LARP4: variants seen among roughly 807,000 people sequenced by gnomAD.
LARP4 encodes La ribonucleoprotein 4.
A neutral mutation model predicts 92.9 loss-of-function variants in LARP4; 29 were observed. The ratio of observed to expected loss-of-function variants is 0.31; its 90% confidence interval spans 0.23 to 0.43. The LOEUF (loss-of-function observed/expected upper bound fraction) is 0.43, where lower values mean the gene tolerates loss of function less well. Ranked by LOEUF, LARP4 falls within the 20% of genes least tolerant of loss-of-function variation. The pLI, the probability that LARP4 is intolerant of heterozygous loss-of-function variation, is 1.00. For synonymous variants in LARP4, 279 were observed against 284.1 expected (o/e 0.98, Z 0.18); for missense variants, 732 against 860.0 (o/e 0.85, Z 1.86).
chr12:50,447,438 C>T (rs769311033), intron 8 of LARP4, among the ~76,000 whole-genome samples: 2 of 152,058 alleles, frequency 1.3e-5, no homozygotes, highest in Non-Finnish European at 2.9e-5. Flanking sequence ...AAATGGTCTG[C>T]TTTATAAATT....
chr12:50,463,434 A>C lies in LARP4; in HGVS notation c.1383+804A>C, dbSNP rs1463232006. Among the ~76,000 whole-genome samples, 165 of 150,134 alleles carry C rather than the reference A, an allele frequency of 1.1e-3. 3 individuals are homozygous for C. Among genetic ancestry groups the C allele is most frequent in the African/African-American group, 3.7e-3 (151 of 40,874 alleles). On this transcript the variant is annotated intron_variant, in intron 12 of 15. Transcript: ENST00000398473. ...CCCCATCTCTCCAAAAAAAAAAAAA[A>C]AAAAAAAAAAAAAATTAGCCAGGCA...
intron 1 of LARP4, among the ~76,000 whole-genome samples, chr12:50,404,503 C>T (rs1565919234): frequency 6.6e-6 from 1 of 151,938 alleles, no homozygotes; most frequent in Non-Finnish European, 1.5e-5. Flanking sequence ...TGGAATGAGC[C>T]GTGATTGTGC....
At chr12:50,414,327 G>T (rs1004254233) in intron 1 of LARP4, among the ~76,000 whole-genome samples, 3 of 152,094 alleles carry the variant, frequency 2.0e-5, no homozygotes, top group South Asian at 2.1e-4. Flanking sequence ...CTGTTGAGAC[G>T]GGGTCTTGCT....
intron 1 of LARP4, among the ~76,000 whole-genome samples, chr12:50,409,771 A>G (rs1945500590): frequency 6.6e-6 from 1 of 151,410 alleles, no homozygotes; most frequent in Non-Finnish European, 1.5e-5. Context: ...TCTCAAAAAA[A>G]AAAAAGAAAA....
chr12:50,427,861 GA>G lies in LARP4; in HGVS notation c.121del (p.Ser41AlafsTer6). The G allele has an allele frequency of 6.2e-7, 1 of 1,602,680 alleles. No homozygotes were observed. The highest frequency in any genetic ancestry group is 1.1e-5 in the South Asian group (1 of 89,448). ...TDATPVTHGTESSWHEIAATS... is the reference protein window; with the variant it reads ...TDATPVTHGTXSSWHEIAATS... ...TGCCACCCCAGTAACTCATGGAACT[GA>G]AAGCTCTTGGCATGAAATAGCAGCT... is the stretch of plus-strand genomic sequence containing the variant. On this transcript the variant is annotated frameshift_variant, in exon 2 of 16. Coordinates refer to ENST00000398473, the MANE Select transcript of LARP4 (RefSeq NM_052879.5). LOFTEE classifies it high-confidence loss of function.
In LARP4 at chr12:50,446,329, GTCTCTCTCTCTCCCTC is replaced by G. The variant is rs1565647531; in HGVS notation, c.804+4699_804+4714del. Among the ~76,000 whole-genome samples the G allele has an allele frequency of 2.3e-4, 13 of 55,454 alleles. 6 individuals are homozygous for G. Among genetic ancestry groups the G allele is most frequent in the Non-Finnish European group, 3.5e-4 (11 of 31,228 alleles). 36.4% of individuals were successfully genotyped at this position (55,454 alleles called of 152,430 possible). A position where few individuals can be genotyped will look rare whatever the true frequency, so the allele number is the denominator to read the frequency against. ...CCAATTGCTGTTTTCTTGACTAGTG[GTCTCTCTCTCTCCCTC>G]TCTCTCTCTCTCTCTCTCTCTCTCT... is the stretch of plus-strand genomic sequence containing the variant. On this transcript the variant is annotated intron_variant, in intron 8 of 15. Transcript: ENST00000398473.
intron 10 of LARP4, among the ~76,000 whole-genome samples, chr12:50,457,207 T>TTC (rs1330575321): frequency 2.7e-5 from 4 of 148,544 alleles, no homozygotes; most frequent in Non-Finnish European, 6.0e-5. Context: ...CGGCCTTTTT[T>TTC]TTTTTTTTTT....
chr12:50,435,731 T>C, intron 5 of LARP4, 107 bp downstream of exon 5: 1 of 794,684 alleles, frequency 1.3e-6, no homozygotes, highest in Non-Finnish European at 2.0e-6. Flanking sequence ...CCCCACACCC[T>C]TATTTTGTTG....
chr12:50,452,371 G>A (rs1236355649), intron 8 of LARP4, among the ~76,000 whole-genome samples: 3 of 151,952 alleles, frequency 2.0e-5, no homozygotes, highest in African/African-American at 7.3e-5. Flanking sequence ...TGGTAGAGAC[G>A]GGGTTTCACC....
chr12:50,473,305 A>T, intron 13 of LARP4, 110 bp from the exon 14 acceptor site: 1 of 750,792 alleles, frequency 1.3e-6, no homozygotes, highest in East Asian at 2.8e-5. Context: ...TTAGCTTTGC[A>T]TTTTATGATG....
chr12:50,409,552 G>C (rs1945459581), intron 1 of LARP4, among the ~76,000 whole-genome samples: 1 of 152,044 alleles, frequency 6.6e-6, no homozygotes, highest in South Asian at 2.1e-4. Context: ...CTTGAGGTCA[G>C]GAGTTTGAGA....
In LARP4 at chr12:50,408,829, T is replaced by G. The variant is rs572912456; in HGVS notation, c.18+7801T>G. Among the ~76,000 whole-genome samples the G allele has an allele frequency of 1.5e-4, 23 of 152,246 alleles. No homozygotes were observed. The East Asian group carries it at 4.2e-3, about 28-fold the overall frequency. On this transcript the variant is annotated intron_variant, in intron 1 of 15. Transcript: ENST00000398473. ...AAGTAACATAATGCACGTAAGTGGG[T>G]ACTGAAATATTTGTTACATTGGGTA... is the stretch of plus-strand genomic sequence containing the variant.
intron 1 of LARP4, among the ~76,000 whole-genome samples, chr12:50,414,251 C>A (rs1946389658): frequency 6.6e-6 from 1 of 152,040 alleles, no homozygotes; most frequent in South Asian, 2.1e-4. Context: ...ATTTGTAATT[C>A]TCTTGTTTAA....
intron 8 of LARP4, among the ~76,000 whole-genome samples, chr12:50,446,135 T>C (rs1951998251): frequency 6.6e-6 from 1 of 150,848 alleles, no homozygotes; most frequent in South Asian, 2.1e-4. Context: ...CCTGAGTAGC[T>C]GGGACTACAG....
In LARP4 at chr12:50,475,656, C is replaced by T. The variant is rs780181827; in HGVS notation, c.1967C>T (p.Ala656Val). The change falls in exon 16 of 16, where the codon GCT (alanine) becomes GTT (valine). Residue 656 changes from alanine (A) to valine (V), a missense_variant. Coordinates refer to ENST00000398473, the MANE Select transcript of LARP4 (RefSeq NM_052879.5). The part of the protein sequence containing the change: ...VSPTKNEDNG[A>V]PENSVEKPHE... ...CCCACCAAAAATGAAGACAATGGAGCTCCTGAGAACTCCGTTGAGAAACCA... is the reference window on the plus strand; with the variant it reads ...CCCACCAAAAATGAAGACAATGGAGTTCCTGAGAACTCCGTTGAGAAACCA... 3 of 1,614,098 alleles carry T rather than the reference C, an allele frequency of 1.9e-6. No homozygotes were observed. Among genetic ancestry groups the T allele is most frequent in the South Asian group, 1.1e-5 (1 of 91,078 alleles).
At chr12:50,421,206 C>G in intron 1 of LARP4, 1 of 849,414 alleles carries the variant, frequency 1.2e-6, no homozygotes, top group Non-Finnish European at 1.4e-6. Flanking sequence ...GCCTTGGCCT[C>G]TCAAAGTGCT....
Position 50,440,342 on chromosome 12 carries a change from A to T in LARP4, c.640-97A>T, listed in dbSNP as rs935023923. ...TAAGTGAAGTGATAGGACCAAAGAC[A>T]TGAAGATAGGCTTAACATTACTAGT... On this transcript the variant is annotated intron_variant, in intron 6 of 15. Transcript: ENST00000398473. 3.6e-5 allele frequency: 30 copies of T among 828,864 alleles called. No individual in the cohort carries two copies. In the Admixed American group the frequency reaches 5.0e-4, roughly 14 times the overall value. 51.3% of individuals were successfully genotyped at this position (828,864 alleles called of 1,614,324 possible).
At chr12:50,456,103 G>C (rs1452031370) in intron 10 of LARP4, among the ~76,000 whole-genome samples, 2 of 151,942 alleles carry the variant, frequency 1.3e-5, no homozygotes, top group African/African-American at 4.8e-5. Context: ...AAAAAATAAA[G>C]GTACTGATAT....
intron 8 of LARP4, among the ~76,000 whole-genome samples, chr12:50,448,380 A>G (rs1046764192): frequency 6.6e-6 from 1 of 151,886 alleles, no homozygotes; most frequent in Non-Finnish European, 1.5e-5. Flanking sequence ...ATGTTACCCA[A>G]TTTTAACAGT....
Sources: allele counts gnomAD v4.1 joint callset (sites outside exome capture counted in the v4.1 genomes callset), GRCh38; gene constraint gnomAD v4.1.1; transcripts MANE v1.5; gene names NCBI Gene and HGNC (gene_info 2026-07-23, HGNC 2026-07-21).